The following FBXO8 variants were observed in gnomAD, a reference collection of about 807,000 sequenced individuals.
FBXO8 encodes F-box only protein 8.
In FBXO8, 15 loss-of-function variants were observed where a neutral mutation model predicts 33.4. The ratio of observed to expected loss-of-function variants is 0.45; its 90% confidence interval spans 0.30 to 0.69. The LOEUF (loss-of-function observed/expected upper bound fraction) is 0.69, where lower values mean the gene tolerates loss of function less well. FBXO8 is among the 30% of genes least tolerant of loss of function. FBXO8 has a pLI of 0.08. For synonymous variants in FBXO8, 132 were observed against 131.5 expected (o/e 1.00, Z -0.02); for missense variants, 274 against 380.3 (o/e 0.72, Z 2.32).
rs1204306477 is a variant in FBXO8, at chr4:174,278,269, A to G, written c.-9+5141T>C. Among the ~76,000 whole-genome samples, 1 of 152,094 alleles carries G rather than the reference A, an allele frequency of 6.6e-6. No homozygotes were observed. The highest frequency in any genetic ancestry group is 2.4e-5 in the African/African-American group (1 of 41,448). On this transcript the variant is annotated intron_variant, in intron 1 of 5. Transcript: ENST00000393674. This position sits in a 1 kb window ranked among gnomAD's most constrained non-coding sequence, Gnocchi z 4.1. ...AAAAGCCCCTACTCATTAAATTTAA[A>G]GATCTGGTCCTGCAAGAGCAGTTTT...
At chr4:174,250,595 T>A (rs1736263571) in intron 3 of FBXO8, among the ~76,000 whole-genome samples, 1 of 152,086 alleles carries the variant, frequency 6.6e-6, no homozygotes, top group South Asian at 2.1e-4. Flanking sequence ...CTTTATGATA[T>A]AAAAGAAGAA....
intron 1 of FBXO8, among the ~76,000 whole-genome samples, chr4:174,264,972 C>T (rs899986359): frequency 2.6e-4 from 39 of 152,104 alleles, no homozygotes; most frequent in African/African-American, 7.5e-4. Flanking sequence ...TCTGAATAGA[C>T]GCCTCACCAA....
Position 174,262,003 on chromosome 4 carries a change from T to C in FBXO8, c.329+761A>G, listed in dbSNP as rs573335561. ...GTAATATTTTTAGGCCAAAAAATCATGTACCTATACTTTTTGTTAAAGTAT... is the reference window on the plus strand; with the variant it reads ...GTAATATTTTTAGGCCAAAAAATCACGTACCTATACTTTTTGTTAAAGTAT... On this transcript the variant is annotated intron_variant, in intron 2 of 5. Coordinates refer to ENST00000393674, the MANE Select transcript of FBXO8 (RefSeq NM_012180.3). This position sits in a 1 kb window ranked among gnomAD's most constrained non-coding sequence, Gnocchi z 4.6. Among the ~76,000 whole-genome samples the C allele has an allele frequency of 2.0e-5, 3 of 152,112 alleles. No individual in the cohort carries two copies. The highest frequency in any genetic ancestry group is 4.4e-5 in the Non-Finnish European group (3 of 67,950).
rs1350908517 is a variant in FBXO8 at position 174,267,433 on chromosome 4, TC to T, written c.-8-4334del. On this transcript the variant is annotated intron_variant, in intron 1 of 5. Transcript: ENST00000393674. This position sits in a 1 kb window ranked among gnomAD's most constrained non-coding sequence, Gnocchi z 4.7. ...GCGATGGTGCATACCTGTAGTCCTA[TC>T]CACTCAGGAGTCTGAGGCAGGAAGA... Among the ~76,000 whole-genome samples, 1 of 152,026 alleles carries T rather than the reference TC, an allele frequency of 6.6e-6. No homozygotes were observed. The highest frequency in any genetic ancestry group is 1.5e-5 in the Non-Finnish European group (1 of 67,994).
chr4:174,240,167 A>G (rs1735997267), intron 4 of FBXO8, among the ~76,000 whole-genome samples: 1 of 151,134 alleles, frequency 6.6e-6, no homozygotes, highest in Non-Finnish European at 1.5e-5. Context: ...AAGAAAGAAA[A>G]AGAAAAGAAA....
rs1343271294 is a variant in FBXO8, at chr4:174,252,472, G to T, written c.456+7227C>A. On this transcript the variant is annotated intron_variant, in intron 3 of 5. Transcript: ENST00000393674. The surrounding 1 kb of genome is among the most constrained non-coding windows in gnomAD (Gnocchi z 5.1). ...GAAGTTCCAAACTAATATGGCTCCA[G>T]GTTGTTGGGCTCACAGATAGCATCA... Among the ~76,000 whole-genome samples the T allele has an allele frequency of 6.6e-6, 1 of 152,120 alleles. No homozygotes were observed. The highest frequency in any genetic ancestry group is 1.9e-4 in the East Asian group (1 of 5,198).
At chr4:174,250,895 AG>A (rs1736270738) in intron 3 of FBXO8, among the ~76,000 whole-genome samples, 1 of 152,194 alleles carries the variant, frequency 6.6e-6, no homozygotes. Flanking sequence ...ACTTAAATCT[AG>A]AAGTAATATC....
chr4:174,259,653 T>C lies in FBXO8; in HGVS notation c.456+46A>G, dbSNP rs749068136. The C allele has an allele frequency of 8.8e-6, 14 of 1,584,250 alleles. No homozygotes were observed. In the East Asian group the frequency reaches 1.4e-4, roughly 15 times the overall value. On this transcript the variant is annotated intron_variant, in intron 3 of 5. Coordinates refer to ENST00000393674, the MANE Select transcript of FBXO8 (RefSeq NM_012180.3). The surrounding 1 kb of genome is among the most constrained non-coding windows in gnomAD (Gnocchi z 4.3). ...ATGATATTGGAAAGCTGCAGCAAGA[T>C]AGTAATAAAGGTCACTGGATACAAA...
In FBXO8 at chr4:174,252,640, C is replaced by A. The variant is rs1736319867; in HGVS notation, c.456+7059G>T. On this transcript the variant is annotated intron_variant, in intron 3 of 5. Coordinates refer to ENST00000393674, the MANE Select transcript of FBXO8 (RefSeq NM_012180.3). This position sits in a 1 kb window ranked among gnomAD's most constrained non-coding sequence, Gnocchi z 5.1. ...GGTGTACATGACACATGTACTTGTG[C>A]ATGTGAGTGCATGCACACACACACA... is the stretch of plus-strand genomic sequence containing the variant. Among the ~76,000 whole-genome samples, 1 of 145,756 alleles carries A rather than the reference C, an allele frequency of 6.9e-6. No homozygotes were observed. The highest frequency in any genetic ancestry group is 2.2e-4 in the South Asian group (1 of 4,596).
chr4:174,260,842 T>G (rs1296006410), intron 2 of FBXO8, among the ~76,000 whole-genome samples: 3 of 151,988 alleles, frequency 2.0e-5, no homozygotes, highest in Non-Finnish European at 4.4e-5. Context: ...ATTATCTGAT[T>G]TGTTGTGTAT....
Position 174,241,256 on chromosome 4 carries a change from TC to T in FBXO8, c.457-39del. The T allele has an allele frequency of 8.1e-7, 1 of 1,232,610 alleles. No homozygotes were observed. Among genetic ancestry groups the T allele is most frequent in the Non-Finnish European group, 1.2e-6 (1 of 855,210 alleles). The allele number at this position is 1,232,610 out of a possible 1,614,324, so 76.4% of individuals were successfully genotyped here. On this transcript the variant is annotated intron_variant, in intron 3 of 5. Coordinates refer to ENST00000393674, the MANE Select transcript of FBXO8 (RefSeq NM_012180.3). This position sits in a 1 kb window ranked among gnomAD's most constrained non-coding sequence, Gnocchi z 4.2. Reference sequence around the variant, plus strand: ...GACAAGTCTACATAAATAAAATTGCTCTTTATTTATGCATTTTAACAATTAA... The same window carrying T: ...GACAAGTCTACATAAATAAAATTGCTTTTATTTATGCATTTTAACAATTAA...
In FBXO8 at chr4:174,247,378, C is replaced by T. The variant is rs78025336; in HGVS notation, c.457-6160G>A. ...TGATTTAGCAAGTTTTGTTCAATTT[C>T]GTCCTTGTATAAAATGTAAAATCTA... On this transcript the variant is annotated intron_variant, in intron 3 of 5. Transcript: ENST00000393674. This position sits in a 1 kb window ranked among gnomAD's most constrained non-coding sequence, Gnocchi z 4.6. 3.6e-3 allele frequency among the ~76,000 whole-genome samples: 541 copies of T among 151,584 alleles called. 2 individuals are homozygous for T. Among genetic ancestry groups the T allele is most frequent in the Middle Eastern group, 0.014 (4 of 294 alleles).
chr4:174,280,363 C>T (rs1336527414), intron 1 of FBXO8, among the ~76,000 whole-genome samples: 1 of 151,874 alleles, frequency 6.6e-6, no homozygotes, highest in Non-Finnish European at 1.5e-5. Context: ...GAAACTGGAA[C>T]CCTTATGTAT....
At chr4:174,250,895 A>C (rs1429007760) in intron 3 of FBXO8, among the ~76,000 whole-genome samples, 3 of 152,194 alleles carry the variant, frequency 2.0e-5, no homozygotes, top group Non-Finnish European at 4.4e-5. Flanking sequence ...ACTTAAATCT[A>C]GAAGTAATAT....
Position 174,237,123 on chromosome 4 carries a change from C to A in FBXO8, c.*289G>T. 1 of 262,086 alleles carries A rather than the reference C, an allele frequency of 3.8e-6. No individual in the cohort carries two copies. Among genetic ancestry groups the A allele is most frequent in the East Asian group, 6.5e-5 (1 of 15,432 alleles). The allele number at this position is 262,086 out of a possible 1,614,324, so 16.2% of individuals were successfully genotyped here. A position where few individuals can be genotyped will look rare whatever the true frequency, so the allele number is the denominator to read the frequency against. On this transcript the variant is annotated 3_prime_UTR_variant, in exon 6 of 6. Coordinates refer to ENST00000393674, the MANE Select transcript of FBXO8 (RefSeq NM_012180.3). The surrounding 1 kb of genome is among the most constrained non-coding windows in gnomAD (Gnocchi z 4.4). ...AGGCAAATCTAATGCACAAATACAC[C>A]ATCTTTTAGAGTATAATGTCAGTTT... is the stretch of plus-strand genomic sequence containing the variant.
rs71611780 is a variant in FBXO8 at position 174,278,328 on chromosome 4, G to T, written c.-9+5082C>A. ...AAAGGCATACCATTTGCAGGTTTTG[G>T]TTTTTTTTAATTCAAAAAGATTTAC... On this transcript the variant is annotated intron_variant, in intron 1 of 5. Transcript: ENST00000393674. The surrounding 1 kb of genome is among the most constrained non-coding windows in gnomAD (Gnocchi z 4.1). Among the ~76,000 whole-genome samples, 2,803 of 151,718 alleles carry T rather than the reference G, an allele frequency of 0.018. 31 individuals are homozygous for T. Among genetic ancestry groups the T allele is most frequent in the Middle Eastern group, 0.031 (9 of 294 alleles).
chr4:174,275,504 T>C lies in FBXO8; in HGVS notation c.-9+7906A>G, dbSNP rs77293146. On this transcript the variant is annotated intron_variant, in intron 1 of 5. Coordinates refer to ENST00000393674, the MANE Select transcript of FBXO8 (RefSeq NM_012180.3). The surrounding 1 kb of genome is among the most constrained non-coding windows in gnomAD (Gnocchi z 4.4). Reference sequence around the variant, plus strand: ...ACTCTATATTTCTTGAGACTGCATGTACATCTACAATTATCTTAAAAAATC... The same window carrying C: ...ACTCTATATTTCTTGAGACTGCATGCACATCTACAATTATCTTAAAAAATC... 0.011 allele frequency among the ~76,000 whole-genome samples: 1,700 copies of C among 152,234 alleles called. 16 individuals are homozygous for C. Among genetic ancestry groups the C allele is most frequent in the Non-Finnish European group, 0.017 (1,135 of 68,022 alleles).
intron 1 of FBXO8, among the ~76,000 whole-genome samples, chr4:174,279,276 AT>A (rs1346502796): frequency 1.3e-5 from 2 of 152,100 alleles, no homozygotes. Context: ...CTACAACAGC[AT>A]CAAAAAGAAT....
At position 174,236,988 on chromosome 4, in the gene FBXO8, C is replaced by A. The variant is rs956392610; in HGVS notation, c.*424G>T. On this transcript the variant is annotated 3_prime_UTR_variant, in exon 6 of 6. Coordinates refer to ENST00000393674, the MANE Select transcript of FBXO8 (RefSeq NM_012180.3). ...ACTCAGTTTGAGAGAAAAGGAAAAA[C>A]TTTAGTTAAAATCTTTACAATAAAA... 1 of 152,564 alleles carries A rather than the reference C, an allele frequency of 6.6e-6. No homozygotes were observed. The highest frequency in any genetic ancestry group is 1.5e-5 in the Non-Finnish European group (1 of 68,254). 9.5% of individuals were successfully genotyped at this position (152,564 alleles called of 1,614,324 possible).
Sources: gnomAD v4.1 joint callset for allele counts (sites outside exome capture counted in the v4.1 genomes callset) on GRCh38, gnomAD v4.1.1 for gene constraint, Gnocchi (gnomAD v3.1) non-coding constraint, MANE v1.5 for transcripts, NCBI Gene and HGNC (gene_info 2026-07-23, HGNC 2026-07-21) for gene names.